AKAP10: variants seen among roughly 807,000 people sequenced by gnomAD.
The protein encoded by AKAP10 is A-kinase anchor protein 10, mitochondrial.
AKAP10 carries 24 observed loss-of-function variants against 80.8 expected under a neutral mutation model. The observed-to-expected ratio is 0.30, with a 90% confidence interval of 0.22 to 0.42. The LOEUF (loss-of-function observed/expected upper bound fraction) is 0.42, where lower values mean the gene tolerates loss of function less well. AKAP10 is among the 10% of genes least tolerant of loss of function. The pLI is 1.00. For synonymous variants in AKAP10, 291 were observed against 277.7 expected, an observed-to-expected ratio of 1.05 and a Z score of -0.48; for missense variants, 661 against 794.9, an observed-to-expected ratio of 0.83 and a Z score of 2.03.
intron 2 of AKAP10, among the ~76,000 whole-genome samples, chr17:19,966,708 T>A (rs1450025166): frequency 6.6e-6 from 1 of 152,180 alleles, no homozygotes; most frequent in Non-Finnish European, 1.5e-5. Context: ...AATCCCCCCA[T>A]TCAACAAATG....
chr17:19,914,170 T>A (rs970575505), intron 12 of AKAP10, among the ~76,000 whole-genome samples: 1 of 152,054 alleles, frequency 6.6e-6, no homozygotes, highest in Non-Finnish European at 1.5e-5. Flanking sequence ...CAGCTAATTT[T>A]TAAACAATTT....
At chr17:19,934,348 T>C (rs2042970175) in intron 9 of AKAP10, among the ~76,000 whole-genome samples, 1 of 152,120 alleles carries the variant, frequency 6.6e-6, no homozygotes, top group Non-Finnish European at 1.5e-5. Flanking sequence ...TGCGGCATAA[T>C]GCCTTCTTTA....
rs74932314 is a variant in AKAP10 at position 19,966,534 on chromosome 17, C to G, written c.136+1880G>C. On this transcript the variant is annotated intron_variant, in intron 2 of 14. Transcript: ENST00000225737. ...GCTACTGTTCTGTGTATAAGTTTGT[C>G]TTTCTAACCAGACTGCAAACATCTT... 2.7e-3 allele frequency among the ~76,000 whole-genome samples: 407 copies of G among 150,734 alleles called. 15 individuals are homozygous for G. In the East Asian group the frequency reaches 0.075, roughly 28 times the overall value.
Position 19,958,345 on chromosome 17 carries a change from C to G in AKAP10, c.546G>C (p.Leu182=), listed in dbSNP as rs1451244666. Reference sequence around the variant, plus strand: ...TTTTAGATGGAGAGACAGGCTCAGCCAGTGAGCTCTGCTTCACTGTGTTTA... The same window carrying G: ...TTTTAGATGGAGAGACAGGCTCAGCGAGTGAGCTCTGCTTCACTGTGTTTA... The part of the protein sequence containing the change: ...HSLNTVKQSS[L]AEPVSPSKKH... The change falls in exon 4 of 15, where the codon CTG becomes CTC. Residue 182 remains leucine, a synonymous_variant. Coordinates refer to ENST00000225737, the MANE Select transcript of AKAP10 (RefSeq NM_007202.4). 3.1e-6 allele frequency: 5 copies of G among 1,614,078 alleles called. No individual in the cohort carries two copies. The highest frequency in any genetic ancestry group is 1.3e-5 in the African/African-American group (1 of 74,928).
chr17:19,926,146 G>A (rs2042873093), intron 10 of AKAP10, among the ~76,000 whole-genome samples: 1 of 152,010 alleles, frequency 6.6e-6, no homozygotes, highest in South Asian at 2.1e-4. Context: ...TTCATCTCAG[G>A]TATGCAAGGT....
chr17:19,932,541 G>A (rs1485077384), intron 9 of AKAP10, among the ~76,000 whole-genome samples: 1 of 151,092 alleles, frequency 6.6e-6, no homozygotes, highest in Admixed American at 6.6e-5. Context: ...ACATAAAGTT[G>A]ATATTAATAC....
At chr17:19,935,825 T>C (rs968751496) in intron 9 of AKAP10, among the ~76,000 whole-genome samples, 2 of 152,122 alleles carry the variant, frequency 1.3e-5, no homozygotes, top group African/African-American at 2.4e-5. Context: ...AGGACCTGTC[T>C]GAAGCTGTTT....
At chr17:19,956,899 G>A (rs1417411845) in intron 4 of AKAP10, among the ~76,000 whole-genome samples, 1 of 151,918 alleles carries the variant, frequency 6.6e-6, no homozygotes, top group Admixed American at 6.6e-5. Flanking sequence ...AGCTCCTCGG[G>A]AGCCTGGTTG....
chr17:19,972,075 T>C (rs1892750979), intron 1 of AKAP10, among the ~76,000 whole-genome samples: 2 of 152,228 alleles, frequency 1.3e-5, no homozygotes. Flanking sequence ...CACTGCATTC[T>C]AGCCTGGGCG....
chr17:19,947,475 G>T lies in AKAP10; in HGVS notation c.908C>A (p.Thr303Asn). 6.2e-7 allele frequency: 1 copy of T among 1,612,820 alleles called. No homozygotes were observed. The highest frequency in any genetic ancestry group is 8.5e-7 in the Non-Finnish European group (1 of 1,179,116). The change falls in exon 5 of 15, where the codon ACC becomes AAC. Residue 303 changes from threonine to asparagine, a missense_variant. Thr to Asn is a moderately conservative substitution (Grantham distance 65, BLOSUM62 0). Transcript: ENST00000225737. ...SIEQDAVNTF[T>N]KYISPDAAKP... is the part of the protein sequence containing the mutation. The stretch of plus-strand genomic sequence containing the variant: ...AGCAGCATCTGGAGATATATATTTG[G>T]TAAAAGTATTCACTGCATCTTGTTC...
rs2042853184 is a variant in AKAP10, at chr17:19,924,464, T to A, written c.1695A>T (p.Ile565=). The change falls in exon 11 of 15, where the codon ATA becomes ATT. Residue 565 remains isoleucine (I), a synonymous_variant. Transcript: ENST00000225737. ...IKILKNFDEA[I]IVDAASLDPE... is the part of the protein sequence containing the mutation. ...GATCCAGACTTGCCGCATCCACAAT[T>A]ATCGCTTCATCAAAATTTTTCAGTA... The A allele has an allele frequency of 1.2e-6, 2 of 1,607,480 alleles. No individual in the cohort carries two copies. Among genetic ancestry groups the A allele is most frequent in the South Asian group, 1.1e-5 (1 of 89,924 alleles).
chr17:19,934,662 T>G (rs899654683), intron 9 of AKAP10, among the ~76,000 whole-genome samples: 1 of 152,224 alleles, frequency 6.6e-6, no homozygotes, highest in African/African-American at 2.4e-5. Flanking sequence ...CAAAGTAACT[T>G]TGAGGTAAAC....
In AKAP10 at chr17:19,950,809, C is replaced by A. The variant is rs372761311; in HGVS notation, c.878-3304G>T. On this transcript the variant is annotated intron_variant, in intron 4 of 14. Transcript: ENST00000225737. ...GAGGAGCCCCTCTGACCGGCCGCCC[C>A]GTCTGGGAAGTGAGGAGCACCTCTT... Among the ~76,000 whole-genome samples the A allele has an allele frequency of 2.6e-3, 392 of 151,580 alleles. 15 individuals are homozygous for A. In the East Asian group the frequency reaches 0.073, roughly 28 times the overall value.
At chr17:19,975,668 T>C (rs2043555996) in intron 1 of AKAP10, among the ~76,000 whole-genome samples, 2 of 152,342 alleles carry the variant, frequency 1.3e-5, no homozygotes, top group South Asian at 4.1e-4. Flanking sequence ...GTTTGCTTAT[T>C]TATTATCTGT....
chr17:19,941,302 T>C (rs2043048922), intron 6 of AKAP10, among the ~76,000 whole-genome samples: 1 of 152,228 alleles, frequency 6.6e-6, no homozygotes, highest in South Asian at 2.1e-4. Context: ...ACTGGCACTA[T>C]GCCTAACCAC....
chr17:19,911,672 C>T (rs964636277), intron 12 of AKAP10, among the ~76,000 whole-genome samples: 4 of 151,580 alleles, frequency 2.6e-5, no homozygotes, highest in Non-Finnish European at 4.4e-5. Context: ...CCCGTCTCTA[C>T]TAAAAATACA....
chr17:19,966,239 C>T (rs1267260584), intron 2 of AKAP10, among the ~76,000 whole-genome samples: 3 of 152,232 alleles, frequency 2.0e-5, no homozygotes, highest in Admixed American at 6.5e-5. Flanking sequence ...CTCTCTCACA[C>T]CTCATATTTA....
At chr17:19,927,604 G>C (rs1247975474) in intron 10 of AKAP10, among the ~76,000 whole-genome samples, 1 of 152,094 alleles carries the variant, frequency 6.6e-6, no homozygotes, top group Non-Finnish European at 1.5e-5. Context: ...TTTGAGACCA[G>C]CCTGGGCAAT....
chr17:19,933,382 C>T (rs2042958927), intron 9 of AKAP10, among the ~76,000 whole-genome samples: 1 of 152,144 alleles, frequency 6.6e-6, no homozygotes, highest in Admixed American at 6.6e-5. Context: ...TTGTTTACCA[C>T]TGTAACACTA....
Sources: allele counts gnomAD v4.1 joint callset (sites outside exome capture counted in the v4.1 genomes callset), GRCh38; gene constraint gnomAD v4.1.1; transcripts MANE v1.5; gene names NCBI Gene and HGNC (gene_info 2026-07-23, HGNC 2026-07-21).